Variants in DBNL observed in about 807,000 individuals in gnomAD.
DBNL encodes drebrin like.
DBNL carries 35 observed loss-of-function variants against 62.2 expected under a neutral mutation model. The ratio of observed to expected loss-of-function variants is 0.56; its 90% confidence interval spans 0.43 to 0.75. DBNL has a LOEUF of 0.75. Ranked by LOEUF, DBNL falls within the 30% of genes least tolerant of loss-of-function variation. The pLI, the probability that DBNL is intolerant of heterozygous loss-of-function variation, is 0.00. For synonymous variants in DBNL, 197 were observed against 218.0 expected (o/e 0.90, Z 0.85); for missense variants, 495 against 578.4 (o/e 0.86, Z 1.48).
intron 5 of DBNL, among the ~76,000 whole-genome samples, 180 bp from the exon 6 acceptor site, chr7:44,057,602 A>G (rs2096138847): frequency 6.6e-6 from 1 of 151,984 alleles, no homozygotes; most frequent in African/African-American, 2.4e-5. Flanking sequence ...GGCTTCTTTC[A>G]GGTCATCTTG....
At chr7:44,049,188 A>G (rs1271840787) in intron 1 of DBNL, among the ~76,000 whole-genome samples, 1 of 151,644 alleles carries the variant, frequency 6.6e-6, no homozygotes, top group African/African-American at 2.4e-5. Context: ...ATGGAGTCTC[A>G]CTCTGTTGCC....
chr7:44,066,378 C>T lies in DBNL; in HGVS notation c.*5462C>T, dbSNP rs1357686587. The T allele has an allele frequency of 2.6e-5, 4 of 152,438 alleles. No homozygotes were observed. The highest frequency in any genetic ancestry group is 4.4e-5 in the Non-Finnish European group (3 of 68,248). The allele number at this position is 152,438 out of a possible 1,614,324, so 9.4% of individuals were successfully genotyped here. On this transcript the variant is annotated 3_prime_UTR_variant, in exon 13 of 13. Coordinates refer to ENST00000448521, the MANE Select transcript of DBNL (RefSeq NM_001014436.3). ...CCACAACGTAGGCTGAAGGGTGGCA[C>T]GGAGTTGAGTCTAGGACCAAGACTT...
In DBNL at chr7:44,060,130, G is replaced by A. The variant is rs757761319; in HGVS notation, c.1130G>A (p.Arg377His). The A allele has an allele frequency of 1.1e-5, 18 of 1,612,642 alleles. No individual in the cohort carries two copies. The highest frequency in any genetic ancestry group is 3.3e-5 in the South Asian group (3 of 91,070). Reference protein sequence around the residue: ...QGLSGQGLCARALYDYQAADD... With the variant: ...QGLSGQGLCAHALYDYQAADD... Reference sequence around the variant, plus strand: ...CTCAGTGGGCAAGGGCTCTGTGCCCGTGCCCTGTACGACTACCAGGCAGGT... The same window carrying A: ...CTCAGTGGGCAAGGGCTCTGTGCCCATGCCCTGTACGACTACCAGGCAGGT... The change falls in exon 12 of 13, where the codon CGT becomes CAT. Residue 377 changes from arginine (R) to histidine (H), a missense_variant. Transcript: ENST00000448521. The surrounding 1 kb of genome is among the most constrained non-coding windows in gnomAD (Gnocchi z 6.3).
At chr7:44,050,322 G>A in intron 2 of DBNL, 42 bp downstream of exon 2, 1 of 1,609,292 alleles carries the variant, frequency 6.2e-7, no homozygotes, top group South Asian at 1.1e-5. Flanking sequence ...CCAGGAGGTA[G>A]GAGGGTGACG....
chr7:44,058,760 T>G, intron 8 of DBNL, 142 bp from the exon 9 acceptor site: 1 of 940,628 alleles, frequency 1.1e-6, no homozygotes. Context: ...TTAAATGACT[T>G]CTCTCCTGAG....
chr7:44,052,040 T>A (rs1226931924), intron 3 of DBNL, 98 bp downstream of exon 3: 1 of 1,008,260 alleles, frequency 9.9e-7, no homozygotes, highest in African/African-American at 1.6e-5. Flanking sequence ...TTTACTGGCA[T>A]GACTTAGTAG....
chr7:44,065,180 C>T lies in DBNL; in HGVS notation c.*4264C>T, dbSNP rs201067955. 1.5e-5 allele frequency: 24 copies of T among 1,613,956 alleles called. No individual in the cohort carries two copies. Among genetic ancestry groups the T allele is most frequent in the Admixed American group, 1.2e-4 (7 of 60,018 alleles). On this transcript the variant is annotated 3_prime_UTR_variant, in exon 13 of 13. Coordinates refer to ENST00000448521, the MANE Select transcript of DBNL (RefSeq NM_001014436.3). ...CGGGGGCGGCGGGATGTCGAAGGAGCGCCTCCAGATCTTCACCTGCTCCTC... is the reference window on the plus strand; with the variant it reads ...CGGGGGCGGCGGGATGTCGAAGGAGTGCCTCCAGATCTTCACCTGCTCCTC...
rs1217430345 is a variant in DBNL, at chr7:44,062,772, C to G, written c.*1856C>G. On this transcript the variant is annotated 3_prime_UTR_variant, in exon 13 of 13. Transcript: ENST00000448521. ...TTGCCCAAGCCCACCCCTCACTTGG[C>G]CTTGCCCTGGGCAGCCACAGCCTCC... 1.2e-6 allele frequency: 2 copies of G among 1,614,052 alleles called. No individual in the cohort carries two copies. The highest frequency in any genetic ancestry group is 1.3e-5 in the African/African-American group (1 of 74,932).
chr7:44,048,647 A>G (rs916772947), intron 1 of DBNL, among the ~76,000 whole-genome samples: 3 of 152,198 alleles, frequency 2.0e-5, no homozygotes, highest in African/African-American at 7.2e-5. Flanking sequence ...CCGACTGTTT[A>G]TCCCTGGAGC....
Position 44,058,263 on chromosome 7 carries a change from C to T in DBNL, c.687C>T (p.Gly229=), listed in dbSNP as rs374806538. 22 of 1,573,738 alleles carry T rather than the reference C, an allele frequency of 1.4e-5. No homozygotes were observed. The highest frequency in any genetic ancestry group is 2.3e-5 in the East Asian group (1 of 43,624). The change falls in exon 7 of 13, where the codon GGC becomes GGT. Residue 229 remains glycine, a synonymous_variant. Transcript: ENST00000448521. ...AGCAGCGCTATCAGGAGCAGGGTGG[C>T]GAGGCCAGCCCCCAGAGGTGAGCCA... is the stretch of plus-strand genomic sequence containing the variant. The part of the protein sequence containing the change: ...RREQRYQEQG[G]EASPQRTWEQ...
At chr7:44,056,288 T>C (rs2096136116) in intron 4 of DBNL, among the ~76,000 whole-genome samples, 1 of 152,206 alleles carries the variant, frequency 6.6e-6, no homozygotes, top group Admixed American at 6.5e-5. Flanking sequence ...CATGCTGTTT[T>C]GCTTACTGTA....
chr7:44,064,796 C>CCCCCCCCCGCCCCCGGGCCCGG lies in DBNL; in HGVS notation c.*3880_*3881insCCCCCCCCGCCCCCGGGCCCGG. On this transcript the variant is annotated 3_prime_UTR_variant, in exon 13 of 13. Coordinates refer to ENST00000448521, the MANE Select transcript of DBNL (RefSeq NM_001014436.3). ...TGAGAAGCCAGCTGGGGCTGCTGCCCACCCACCCTGCCCAGGCTCCTGAAG... is the reference window on the plus strand; with the variant it reads ...TGAGAAGCCAGCTGGGGCTGCTGCCCCCCCCCCCGCCCCCGGGCCCGGACCCACCCTGCCCAGGCTCCTGAAG... 1 of 1,158,932 alleles carries CCCCCCCCCGCCCCCGGGCCCGG rather than the reference C, an allele frequency of 8.6e-7. No homozygotes were observed. The allele number at this position is 1,158,932 out of a possible 1,614,324, so 71.8% of individuals were successfully genotyped here. A position where few individuals can be genotyped will look rare whatever the true frequency, so the allele number is the denominator to read the frequency against.
Position 44,064,856 on chromosome 7 carries a change from G to A in DBNL, c.*3940G>A, listed in dbSNP as rs368258088. 1.4e-5 allele frequency: 19 copies of A among 1,352,130 alleles called. No individual in the cohort carries two copies. The Middle Eastern group carries it at 6.7e-4, about 48-fold the overall frequency. 83.8% of individuals were successfully genotyped at this position (1,352,130 alleles called of 1,614,324 possible). ...CCTTCCAGGTGCTTGACAATGCCCCGCAGGCTGTTCCCGTGGGCTGCAATG... is the reference window on the plus strand; with the variant it reads ...CCTTCCAGGTGCTTGACAATGCCCCACAGGCTGTTCCCGTGGGCTGCAATG... On this transcript the variant is annotated 3_prime_UTR_variant, in exon 13 of 13. Coordinates refer to ENST00000448521, the MANE Select transcript of DBNL (RefSeq NM_001014436.3).
At chr7:44,048,481 A>C (rs1383941235) in intron 1 of DBNL, among the ~76,000 whole-genome samples, 3 of 152,136 alleles carry the variant, frequency 2.0e-5, no homozygotes, top group Non-Finnish European at 4.4e-5. Flanking sequence ...CCTCCTGGTA[A>C]GGAGTGCCTT....
At position 44,058,184 on chromosome 7, in the gene DBNL, G is replaced by A. The variant is rs777527115; in HGVS notation, c.608G>A (p.Arg203Gln). 18 of 1,556,968 alleles carry A rather than the reference G, an allele frequency of 1.2e-5. No homozygotes were observed. The highest frequency in any genetic ancestry group is 4.1e-5 in the African/African-American group (3 of 73,636). ...EEKRRAEEAQRQLEQERRERE... is the reference protein window; with the variant it reads ...EEKRRAEEAQQQLEQERRERE... ...AAGCGGCGGGCCGAGGAGGCACAGC[G>A]GCAGCTGGAGCAGGAGCGCCGGGAG... Residue 203 changes from arginine to glutamine, a missense_variant, in exon 7 of 13, where the codon CGG becomes CAG. Arg to Gln is a conservative substitution (Grantham distance 43). Transcript: ENST00000448521.
chr7:44,052,720 A>T, intron 3 of DBNL, 147 bp from the exon 4 acceptor site: 1 of 907,120 alleles, frequency 1.1e-6, no homozygotes, highest in Non-Finnish European at 1.7e-6. Context: ...AACTTACCTC[A>T]CCCATGTGAT....
In DBNL at chr7:44,067,646, G is replaced by A. The variant is rs1166318262; in HGVS notation, c.*6730G>A. 6.6e-6 allele frequency: 1 copy of A among 152,406 alleles called. No individual in the cohort carries two copies. The highest frequency in any genetic ancestry group is 2.1e-4 in the South Asian group (1 of 4,830). The allele number at this position is 152,406 out of a possible 1,614,324, so 9.4% of individuals were successfully genotyped here. ...AGAGCTTTCTTGGAGGGGTACAGGG[G>A]TAGGAAAACCAAAAGCCACCCTCAG... On this transcript the variant is annotated 3_prime_UTR_variant, in exon 13 of 13. Coordinates refer to ENST00000448521, the MANE Select transcript of DBNL (RefSeq NM_001014436.3).
In DBNL at chr7:44,044,976, G is replaced by GC; in HGVS notation, c.83+157dup. The GC allele has an allele frequency of 7.8e-6, 5 of 643,762 alleles. No individual in the cohort carries two copies. In the South Asian group the frequency reaches 1.1e-4, roughly 14 times the overall value. 39.9% of individuals were successfully genotyped at this position (643,762 alleles called of 1,614,324 possible). Reference sequence around the variant, plus strand: ...TACCTGTCTGCCCCTCCACACCGCAGCAGGAGTGCTGTCTCACCCTCGTGA... The same window carrying GC: ...TACCTGTCTGCCCCTCCACACCGCAGCCAGGAGTGCTGTCTCACCCTCGTGA... On this transcript the variant is annotated intron_variant, in intron 1 of 12. Coordinates refer to ENST00000448521, the MANE Select transcript of DBNL (RefSeq NM_001014436.3).
At chr7:44,045,663 G>A (rs1336511101) in intron 1 of DBNL, among the ~76,000 whole-genome samples, 1 of 152,262 alleles carries the variant, frequency 6.6e-6, no homozygotes, top group Non-Finnish European at 1.5e-5. Context: ...TCAGCACTGA[G>A]GCCCTCCCAA....
Sources: allele counts gnomAD v4.1 joint callset (sites outside exome capture counted in the v4.1 genomes callset), GRCh38; gene constraint gnomAD v4.1.1; non-coding constraint Gnocchi (gnomAD v3.1); transcripts MANE v1.5; gene names NCBI Gene and HGNC (gene_info 2026-07-23, HGNC 2026-07-21).